Variants in WDR36 observed in about 807,000 individuals in gnomAD.
WDR36 encodes WD repeat-containing protein 36.
In WDR36, 63 loss-of-function variants were observed where a neutral mutation model predicts 112.7. That is an observed-to-expected ratio of 0.56 (90% CI 0.46 to 0.69). The LOEUF (loss-of-function observed/expected upper bound fraction) is 0.69, where lower values mean the gene tolerates loss of function less well. WDR36 is among the 30% of genes least tolerant of loss of function. WDR36 has a pLI of 0.00. For synonymous variants in WDR36, 410 were observed against 362.2 expected (o/e 1.13, Z -1.50); for missense variants, 1,226 against 1,070.3 (o/e 1.15, Z -2.03).
chr5:111,102,301 CAA>C (rs35339070), intron 5 of WDR36, 42 bp from the exon 6 acceptor site: 748 of 1,317,100 alleles, frequency 5.7e-4, no homozygotes, highest in Admixed American at 7.4e-4. Context: ...TGTTTTCCTC[CAA>C]AAAAAAAAAA....
chr5:111,119,361 T>C (rs1299169791), intron 17 of WDR36, among the ~76,000 whole-genome samples: 1 of 152,194 alleles, frequency 6.6e-6, no homozygotes, highest in East Asian at 1.9e-4. Flanking sequence ...CATTTGGCTT[T>C]TATTTGCAGA....
rs773480314 is a variant in WDR36, at chr5:111,113,057, T to C, written c.1717-17T>C. The C allele has an allele frequency of 1.7e-5, 13 of 784,552 alleles. No individual in the cohort carries two copies. The highest frequency in any genetic ancestry group is 8.8e-6 in the Non-Finnish European group (5 of 571,174). 48.6% of individuals were successfully genotyped at this position (784,552 alleles called of 1,614,324 possible). A position where few individuals can be genotyped will look rare whatever the true frequency, so the allele number is the denominator to read the frequency against. On this transcript the variant is annotated splice_polypyrimidine_tract_variant and intron_variant, in intron 15 of 22. Transcript: ENST00000513710. The stretch of plus-strand genomic sequence containing the variant: ...AATAATATATATATATATATATTTT[T>C]TTTTTTTAATTTAAAGGCTTTTAGT...
chr5:111,111,314 T>A (rs759481073), intron 15 of WDR36, 36 bp downstream of exon 15: 2 of 1,557,274 alleles, frequency 1.3e-6, no homozygotes. Context: ...CTTGACTCAT[T>A]TCTACTTTTG....
Position 111,100,668 on chromosome 5 carries a change from A to T in WDR36, c.489A>T (p.Lys163Asn). 2 of 1,608,786 alleles carry T rather than the reference A, an allele frequency of 1.2e-6. No individual in the cohort carries two copies. Among genetic ancestry groups the T allele is most frequent in the Non-Finnish European group, 8.5e-7 (1 of 1,176,726 alleles). ...TGCATCCAAGTACCTACTTGAATAAAATACTTCTGGGCAGTGAACAAGGAA... is the reference window on the plus strand; with the variant it reads ...TGCATCCAAGTACCTACTTGAATAATATACTTCTGGGCAGTGAACAAGGAA... ...AILHPSTYLN[K>N]ILLGSEQGSL... Residue 163 changes from lysine (K) to asparagine (N), a missense_variant, in exon 5 of 23, where the codon AAA becomes AAT. Physicochemically the swap from Lys to Asn is moderately conservative, Grantham distance 94 (BLOSUM62 0). Coordinates refer to ENST00000513710, the MANE Select transcript of WDR36 (RefSeq NM_139281.3).
intron 11 of WDR36, 117 bp from the exon 12 acceptor site, chr5:111,107,177 A>G: frequency 8.6e-7 from 1 of 1,166,106 alleles, no homozygotes; most frequent in Non-Finnish European, 1.2e-6. Context: ...GCTATCAGAT[A>G]TTACCTGTTT....
intron 1 of WDR36, among the ~76,000 whole-genome samples, chr5:111,093,343 T>A (rs1752908896): frequency 6.6e-6 from 1 of 152,248 alleles, no homozygotes; most frequent in Admixed American, 6.5e-5. Flanking sequence ...GAAACCTTGA[T>A]GAGGAGGATG....
intron 17 of WDR36, among the ~76,000 whole-genome samples, chr5:111,119,925 T>C (rs1753530361): frequency 6.6e-6 from 1 of 152,110 alleles, no homozygotes; most frequent in Non-Finnish European, 1.5e-5. Context: ...ATTAATAACT[T>C]GAAACCTGAG....
intron 21 of WDR36, among the ~76,000 whole-genome samples, chr5:111,125,251 T>C (rs1338826292): frequency 1.3e-5 from 2 of 152,190 alleles, no homozygotes; most frequent in South Asian, 2.1e-4. Flanking sequence ...TTAATACTTT[T>C]GTATGTATCG....
Position 111,109,119 on chromosome 5 carries a change from T to C in WDR36, c.1327-1070T>C, listed in dbSNP as rs144921632. Among the ~76,000 whole-genome samples the C allele has an allele frequency of 8.6e-4, 130 of 151,364 alleles. 4 individuals carry two copies. In the East Asian group the frequency reaches 0.023, roughly 27 times the overall value. ...CCAGGAGCAGGCCGACTAAAAACAA[T>C]AACTCCCCTAAAAAAATGTAAAGCA... On this transcript the variant is annotated intron_variant, in intron 12 of 22. Transcript: ENST00000513710.
chr5:111,105,454 T>C, intron 10 of WDR36, 94 bp downstream of exon 10: 1 of 1,199,526 alleles, frequency 8.3e-7, no homozygotes, highest in South Asian at 1.3e-5. Flanking sequence ...ATGCATTTTA[T>C]TTTTTCTTGG....
intron 5 of WDR36, among the ~76,000 whole-genome samples, chr5:111,101,736 A>C (rs996711946): frequency 2.0e-5 from 3 of 151,884 alleles, no homozygotes; most frequent in African/African-American, 7.2e-5. Context: ...GTTTTAAATC[A>C]GTGTTTCATT....
intron 19 of WDR36, 150 bp from the exon 20 acceptor site, chr5:111,123,655 C>G (rs917239646): frequency 9.3e-7 from 1 of 1,074,072 alleles, no homozygotes. Context: ...TGGTATTGGT[C>G]AGAAGAGATC....
At position 111,111,237 on chromosome 5, in the gene WDR36, G is replaced by T. The variant is rs1458734237; in HGVS notation, c.1675G>T (p.Val559Phe). 6.2e-7 allele frequency: 1 copy of T among 1,611,682 alleles called. No individual in the cohort carries two copies. The highest frequency in any genetic ancestry group is 1.3e-5 in the African/African-American group (1 of 74,788). ...TCTGGACATAGAAACTAGGAAGATT[G>T]TCAGAGAGTTTTCTGGACACCAAGG... ...SVLDIETRKI[V>F]REFSGHQGQI... Residue 559 changes from valine to phenylalanine, a missense_variant, in exon 15 of 23, where the codon GTC becomes TTC. Coordinates refer to ENST00000513710, the MANE Select transcript of WDR36 (RefSeq NM_139281.3).
chr5:111,123,061 A>T (rs896005245), intron 19 of WDR36, among the ~76,000 whole-genome samples: 6 of 151,956 alleles, frequency 3.9e-5, no homozygotes, highest in African/African-American at 1.5e-4. Context: ...GTGAGCTGAG[A>T]TCGCACCACT....
intron 16 of WDR36, among the ~76,000 whole-genome samples, chr5:111,116,465 C>G (rs2112584127): frequency 6.6e-6 from 1 of 152,258 alleles, no homozygotes; most frequent in Non-Finnish European, 1.5e-5. Context: ...GGAAATAGAA[C>G]ATATGGAAGC....
chr5:111,119,202 G>T lies in WDR36; in HGVS notation c.1904+82G>T. On this transcript the variant is annotated intron_variant, in intron 17 of 22. Coordinates refer to ENST00000513710, the MANE Select transcript of WDR36 (RefSeq NM_139281.3). Reference sequence around the variant, plus strand: ...TTAGAGTTGCTAAAATTGTCATTTAGGCTGTTTTTAAGTGTATTAAATGGA... The same window carrying T: ...TTAGAGTTGCTAAAATTGTCATTTATGCTGTTTTTAAGTGTATTAAATGGA... 8.8e-6 allele frequency: 10 copies of T among 1,139,338 alleles called. 1 individual carries two copies. The South Asian group carries it at 1.1e-4, about 13-fold the overall frequency. The allele number at this position is 1,139,338 out of a possible 1,614,324, so 70.6% of individuals were successfully genotyped here.
Position 111,119,108 on chromosome 5 carries a change from G to A in WDR36, c.1892G>A (p.Gly631Glu). Residue 631 changes from glycine (G) to glutamate (E), a missense_variant, in exon 17 of 23, where the codon GGA becomes GAA. By Grantham distance (98) the Gly-to-Glu change is moderately conservative (BLOSUM62 -2). Coordinates refer to ENST00000513710, the MANE Select transcript of WDR36 (RefSeq NM_139281.3). ...FLATSHVDHL[G>E]IYLWSNISLY... is the part of the protein sequence containing the mutation. ...GCAACTTCCCATGTGGACCACCTTG[G>A]AATTTATCTATGGTAAGTTCTTTCA... is the stretch of plus-strand genomic sequence containing the variant. 1 of 1,611,482 alleles carries A rather than the reference G, an allele frequency of 6.2e-7. No individual in the cohort carries two copies. The highest frequency in any genetic ancestry group is 1.1e-5 in the South Asian group (1 of 91,026).
chr5:111,126,006 TTAAA>T (rs1270137237), intron 22 of WDR36, among the ~76,000 whole-genome samples: 3 of 152,134 alleles, frequency 2.0e-5, no homozygotes, highest in Non-Finnish European at 2.9e-5. Flanking sequence ...TAATTTAAAT[TTAAA>T]TAACCGCATG....
intron 6 of WDR36, among the ~76,000 whole-genome samples, 176 bp from the exon 7 acceptor site, chr5:111,103,610 C>T (rs187863354): frequency 6.6e-6 from 1 of 151,836 alleles, no homozygotes; most frequent in African/African-American, 2.4e-5. Context: ...TTACTGAATA[C>T]TTCTATGCTG....
Sources: allele counts gnomAD v4.1 joint callset (sites outside exome capture counted in the v4.1 genomes callset), GRCh38; gene constraint gnomAD v4.1.1; transcripts MANE v1.5; gene names NCBI Gene and HGNC (gene_info 2026-07-23, HGNC 2026-07-21).